Variants in PAGE2B observed in about 807,000 individuals in gnomAD.
PAGE2B encodes the protein PAGE family member 2B, also known as putative G antigen family E member 3.
In PAGE2B, 5 loss-of-function variants were observed where a neutral mutation model predicts 7.6. The ratio of observed to expected loss-of-function variants is 0.66; its 90% CI spans 0.34 to 1.38. The LOEUF is 1.38. Among genes scored for constraint, PAGE2B ranks in the 40% most tolerant of loss-of-function variants. PAGE2B has a pLI of 0.04. For synonymous variants in PAGE2B, 29 were observed against 26.7 expected (o/e 1.09, Z -0.27); for missense variants, 70 against 78.4 (o/e 0.89, Z 0.41).
At chrX:55,064,482 T>C in the PAGE2B span, among the ~76,000 whole-genome samples, 146 of 111,289 alleles carry the variant, frequency 1.3e-3, no homozygotes, top group African/African-American at 4.4e-3. Context: ...ATTTTGTTTA[T>C]CTCTTCAAAA....
the PAGE2B span, among the ~76,000 whole-genome samples, chrX:55,040,759 G>T: frequency 9.0e-6 from 1 of 111,411 alleles, no homozygotes; most frequent in Non-Finnish European, 1.9e-5. Context: ...CAATGTGATT[G>T]TTCTTAACCA....
chrX:55,044,473 G>A, the PAGE2B span, among the ~76,000 whole-genome samples: 1 of 111,312 alleles, frequency 9.0e-6, no homozygotes, highest in Non-Finnish European at 1.9e-5. Context: ...TGGATGGGGT[G>A]AGGGATAAAA....
At chrX:55,060,822 A>G in the PAGE2B span, among the ~76,000 whole-genome samples, 1 of 109,897 alleles carries the variant, frequency 9.1e-6, no homozygotes, top group Admixed American at 9.9e-5. Context: ...TTTTTGTTTT[A>G]GTAAATTATA....
chrX:55,039,335 A>G, the PAGE2B span, among the ~76,000 whole-genome samples: 2 of 111,416 alleles, frequency 1.8e-5, no homozygotes, highest in Non-Finnish European at 3.8e-5. Context: ...AATGGAACTG[A>G]GATATATTTA....
At chrX:55,073,424 C>T (rs1310437476), upstream of PAGE2B, among the ~76,000 whole-genome samples, 1 of 111,058 alleles carries the variant, frequency 9.0e-6, no homozygotes, top group Non-Finnish European at 1.9e-5. Flanking sequence ...AACTGGGTAC[C>T]TCAGTTGGAA....
At chrX:55,058,778 C>T in the PAGE2B span, among the ~76,000 whole-genome samples, 132 of 111,265 alleles carry the variant, frequency 1.2e-3, 2 homozygotes, top group East Asian at 0.026. Flanking sequence ...CTTCCTGTTT[C>T]TGAAGACTGT....
At chrX:55,047,204 TTGCTGAGAA>T in the PAGE2B span, among the ~76,000 whole-genome samples, 1 of 110,613 alleles carries the variant, frequency 9.0e-6, no homozygotes, top group Admixed American at 9.6e-5. Flanking sequence ...TTGCGATAGT[TTGCTGAGAA>T]TGATGGTTTC....
chrX:55,069,621 C>G, the PAGE2B span, among the ~76,000 whole-genome samples: 1 of 111,309 alleles, frequency 9.0e-6, no homozygotes, highest in African/African-American at 3.3e-5. Context: ...AGGAATGGTA[C>G]CAGCTCCTCT....
At chrX:55,036,807 T>A in the PAGE2B span, among the ~76,000 whole-genome samples, 1 of 109,852 alleles carries the variant, frequency 9.1e-6, no homozygotes, top group African/African-American at 3.4e-5. Context: ...GGGAAAGGAT[T>A]CCCTATTTAA....
chrX:55,048,065 G>C, the PAGE2B span, among the ~76,000 whole-genome samples: 2 of 111,756 alleles, frequency 1.8e-5, no homozygotes, highest in Admixed American at 1.9e-4. Context: ...CCATTTATTA[G>C]ATAGGGAATC....
the PAGE2B span, among the ~76,000 whole-genome samples, chrX:55,029,972 G>A: frequency 6.3e-5 from 4 of 63,101 alleles, no homozygotes; most frequent in Non-Finnish European, 1.1e-4. Flanking sequence ...CCCCTTTTGT[G>A]GCCTGCTTTG....
chrX:55,044,142 A>G, the PAGE2B span, among the ~76,000 whole-genome samples: 2 of 110,416 alleles, frequency 1.8e-5, no homozygotes, highest in African/African-American at 6.6e-5. Context: ...AAATGAAAAA[A>G]AAAAGTCATT....
chrX:55,031,226 T>C, the PAGE2B span, among the ~76,000 whole-genome samples: 2 of 111,251 alleles, frequency 1.8e-5, no homozygotes, highest in East Asian at 5.6e-4. Flanking sequence ...ACCATCCACA[T>C]AGAGCTGGGA....
chrX:55,047,984 A>T, the PAGE2B span, among the ~76,000 whole-genome samples: 5 of 111,770 alleles, frequency 4.5e-5, no homozygotes, highest in Non-Finnish European at 9.4e-5. Flanking sequence ...TCTTGAATTA[A>T]TTTTTGTATA....
At chrX:55,040,211 T>A in the PAGE2B span, among the ~76,000 whole-genome samples, 2 of 110,625 alleles carry the variant, frequency 1.8e-5, no homozygotes, top group Non-Finnish European at 3.8e-5. Context: ...GTTACATATG[T>A]ATACATGTGC....
the PAGE2B span, among the ~76,000 whole-genome samples, chrX:55,068,648 T>C: frequency 8.9e-6 from 1 of 112,063 alleles, no homozygotes; most frequent in Non-Finnish European, 1.9e-5. Context: ...ATTTTGACAA[T>C]ATTGATTCTT....
the PAGE2B span, among the ~76,000 whole-genome samples, chrX:55,043,595 T>C: frequency 9.0e-6 from 1 of 111,546 alleles, no homozygotes; most frequent in Non-Finnish European, 1.9e-5. Context: ...TCAACATCAC[T>C]AATTATCAGA....
the PAGE2B span, among the ~76,000 whole-genome samples, chrX:55,065,974 T>C: frequency 8.9e-6 from 1 of 112,846 alleles, no homozygotes; most frequent in Admixed American, 9.4e-5. Context: ...CTACTGAAGA[T>C]AAGAGTAGTT....
At chrX:55,075,022 C>CTGT (rs1165180389), upstream of PAGE2B, 1 of 114,922 alleles carries the variant, frequency 8.7e-6, no homozygotes, top group African/African-American at 3.2e-5. Flanking sequence ...ATGCGCCTTG[C>CTGT]TGCCCGCCTT....
Sources: gnomAD v4.1 joint callset for allele counts (sites outside exome capture counted in the v4.1 genomes callset) on GRCh38, gnomAD v4.1.1 for gene constraint, MANE v1.5 for transcripts, NCBI Gene and HGNC (gene_info 2026-07-23, HGNC 2026-07-21) for gene names.